Variants in PPFIBP2 observed in about 807,000 individuals in gnomAD.
PPFIBP2 encodes PPFIB scaffold protein 2.
Under a neutral mutation model 118.3 loss-of-function variants are expected in PPFIBP2, and 118 were observed. The observed-to-expected ratio is 1.00, with a 90% CI of 0.86 to 1.16. The LOEUF (loss-of-function observed/expected upper bound fraction) is 1.16, where lower values mean the gene tolerates loss of function less well. Among genes scored for constraint, PPFIBP2 ranks in the 50% most tolerant of loss-of-function variants. The pLI is 0.00. For missense variants in PPFIBP2, 1,195 were observed against 1,073.1 expected (o/e 1.11, Z -1.59); for synonymous variants, 414 against 397.4 (o/e 1.04, Z -0.50).
intron 5 of PPFIBP2, among the ~76,000 whole-genome samples, chr11:7,600,742 T>C (rs1861281485): frequency 6.6e-6 from 1 of 152,190 alleles, no homozygotes; most frequent in Non-Finnish European, 1.5e-5. Flanking sequence ...AGACATCCTG[T>C]CTGAAGGCAG....
intron 2 of PPFIBP2, among the ~76,000 whole-genome samples, chr11:7,559,984 AG>A (rs1175605921): frequency 6.6e-6 from 1 of 152,174 alleles, no homozygotes; most frequent in Non-Finnish European, 1.5e-5. Flanking sequence ...ATTGTGGGTA[AG>A]GGGGACTCCT....
At chr11:7,602,087 CAAAAAAAA>C (rs201003988) in intron 5 of PPFIBP2, among the ~76,000 whole-genome samples, 3 of 56,184 alleles carry the variant, frequency 5.3e-5, no homozygotes, top group Admixed American at 2.1e-4. Flanking sequence ...GAATGAAACT[CAAAAAAAA>C]AAAAAAAAAA....
chr11:7,645,777 C>T (rs1852966809), intron 17 of PPFIBP2, among the ~76,000 whole-genome samples: 1 of 152,054 alleles, frequency 6.6e-6, no homozygotes, highest in Non-Finnish European at 1.5e-5. Flanking sequence ...ATTATGATCT[C>T]AAAAACACTT....
At position 7,642,175 on chromosome 11, in the gene PPFIBP2, C is replaced by T. The variant is rs536876379; in HGVS notation, c.1518-123C>T. On this transcript the variant is annotated intron_variant, in intron 16 of 23. Coordinates refer to ENST00000299492, the MANE Select transcript of PPFIBP2 (RefSeq NM_003621.5). The stretch of plus-strand genomic sequence containing the variant: ...GTGATCCTTGATCTCTGGGAAGGTA[C>T]GGAGAAGCAGTGCTGCCGAGAGTCC... 105 of 1,159,970 alleles carry T rather than the reference C, an allele frequency of 9.1e-5. 1 individual carries two copies. In the Admixed American group the frequency reaches 1.4e-3, roughly 16 times the overall value. 71.9% of individuals were successfully genotyped at this position (1,159,970 alleles called of 1,614,324 possible).
chr11:7,522,706 C>A (rs971407138), intron 1 of PPFIBP2, among the ~76,000 whole-genome samples: 7 of 152,214 alleles, frequency 4.6e-5, no homozygotes, highest in Non-Finnish European at 1.5e-5. Flanking sequence ...TGGGAAATGT[C>A]TGCTAGTTGC....
At chr11:7,664,710 G>C in the PPFIBP2 span, among the ~76,000 whole-genome samples, 3 of 152,128 alleles carry the variant, frequency 2.0e-5, no homozygotes, top group Non-Finnish European at 4.4e-5. Flanking sequence ...GTGTGTCCTG[G>C]AGAGATGGGG....
intron 6 of PPFIBP2, among the ~76,000 whole-genome samples, chr11:7,619,056 A>G (rs1849033805): frequency 6.6e-6 from 1 of 152,160 alleles, no homozygotes; most frequent in South Asian, 2.1e-4. Context: ...ATAATGACTT[A>G]AGTTTCATGT....
At chr11:7,630,794 C>G (rs1850649719) in intron 10 of PPFIBP2, 131 bp from the exon 11 acceptor site, 4 of 708,662 alleles carry the variant, frequency 5.6e-6, no homozygotes, top group South Asian at 5.0e-5. Flanking sequence ...CAGAATCACA[C>G]TCTTACTGTC....
chr11:7,560,604 T>G (rs1414962687), intron 2 of PPFIBP2, among the ~76,000 whole-genome samples: 1 of 152,238 alleles, frequency 6.6e-6, no homozygotes, highest in African/African-American at 2.4e-5. Flanking sequence ...GAGATTATTC[T>G]TATATATTAA....
At chr11:7,599,577 C>T (rs1015319060) in intron 5 of PPFIBP2, among the ~76,000 whole-genome samples, 1 of 151,740 alleles carries the variant, frequency 6.6e-6, no homozygotes, top group African/African-American at 2.4e-5. Flanking sequence ...TTCCTCTAAA[C>T]ATCATCCCAT....
intron 5 of PPFIBP2, among the ~76,000 whole-genome samples, chr11:7,602,159 C>T (rs796721409): frequency 1.0e-4 from 15 of 149,948 alleles, no homozygotes; most frequent in Admixed American, 3.3e-4. Flanking sequence ...CAGTCTGAGT[C>T]AGTTTTCACT....
intron 1 of PPFIBP2, among the ~76,000 whole-genome samples, chr11:7,543,955 A>G (rs1475848892): frequency 6.6e-6 from 1 of 152,170 alleles, no homozygotes; most frequent in Non-Finnish European, 1.5e-5. Flanking sequence ...ATACCTTGCC[A>G]TTCTAAAACA....
At chr11:7,662,870 C>G in the PPFIBP2 span, among the ~76,000 whole-genome samples, 1 of 147,548 alleles carries the variant, frequency 6.8e-6, no homozygotes, top group East Asian at 2.0e-4. Context: ...TTTCTCTAAA[C>G]TTCCCTTCTC....
At chr11:7,561,651 G>A (rs906446650) in intron 2 of PPFIBP2, among the ~76,000 whole-genome samples, 3 of 152,206 alleles carry the variant, frequency 2.0e-5, no homozygotes, top group Admixed American at 6.5e-5. Context: ...TATTTTAGCA[G>A]TGTATGGCAA....
chr11:7,567,537 A>C (rs927856538), intron 3 of PPFIBP2, among the ~76,000 whole-genome samples: 1 of 152,238 alleles, frequency 6.6e-6, no homozygotes, highest in African/African-American at 2.4e-5. Context: ...TGGCGAAGCA[A>C]GTACTTTTAG....
In PPFIBP2 at chr11:7,648,449, T is replaced by C; in HGVS notation, c.1709T>C (p.Phe570Ser). The change falls in exon 18 of 24, where the codon TTT becomes TCT. Residue 570 changes from phenylalanine to serine, a missense_variant. Coordinates refer to ENST00000299492, the MANE Select transcript of PPFIBP2 (RefSeq NM_003621.5). ...CGTGTGTGTGCATGGCTGGAGGACT[T>C]TGGCCTGGCTCAGTATGTGATCTTT... Reference protein sequence around the residue: ...TERVCAWLEDFGLAQYVIFAR... With the variant: ...TERVCAWLEDSGLAQYVIFAR... The C allele has an allele frequency of 6.2e-7, 1 of 1,614,070 alleles. No homozygotes were observed. Among genetic ancestry groups the C allele is most frequent in the South Asian group, 1.1e-5 (1 of 91,062 alleles).
chr11:7,575,914 C>T (rs1564991577), intron 3 of PPFIBP2, among the ~76,000 whole-genome samples: 1 of 152,214 alleles, frequency 6.6e-6, no homozygotes, highest in Non-Finnish European at 1.5e-5. Context: ...CCTGCTTTTC[C>T]TTTCTGGCCT....
intron 1 of PPFIBP2, among the ~76,000 whole-genome samples, chr11:7,523,617 A>G (rs80211582): frequency 0.012 from 1,753 of 152,234 alleles, 28 homozygotes; most frequent in African/African-American, 0.04. Context: ...ACAGACGTAG[A>G]TTTGCACTTC....
chr11:7,558,301 C>T lies in PPFIBP2; in HGVS notation c.65-7252C>T, dbSNP rs148536954. ...TCTTAGACTTTCTCCCACAGTGATA[C>T]ACATGGTTTCTGTTTATTGGCCAAA... is the stretch of plus-strand genomic sequence containing the variant. On this transcript the variant is annotated intron_variant, in intron 2 of 23. Coordinates refer to ENST00000299492, the MANE Select transcript of PPFIBP2 (RefSeq NM_003621.5). 2.0e-5 allele frequency among the ~76,000 whole-genome samples: 3 copies of T among 152,276 alleles called. No homozygotes were observed. In the East Asian group the frequency reaches 5.8e-4, roughly 29 times the overall value.
Sources: gnomAD v4.1 joint callset for allele counts (sites outside exome capture counted in the v4.1 genomes callset) on GRCh38, gnomAD v4.1.1 for gene constraint, MANE v1.5 for transcripts, NCBI Gene and HGNC (gene_info 2026-07-23, HGNC 2026-07-21) for gene names.